Variants in ZNF813 observed in about 807,000 individuals in gnomAD.
ZNF813 encodes zinc finger protein 813.
A neutral mutation model predicts 7.2 loss-of-function variants in ZNF813; 3 were observed. That is an observed-to-expected ratio of 0.42 (90% CI 0.19 to 1.08). ZNF813 has a LOEUF of 1.08. ZNF813 is among the 50% of genes least tolerant of loss of function. The pLI, the probability that ZNF813 is intolerant of heterozygous loss-of-function variation, is 0.30. For synonymous variants in ZNF813, 227 were observed against 256.3 expected, an observed-to-expected ratio of 0.89 and a Z score of 1.09; for missense variants, 714 against 753.3, an observed-to-expected ratio of 0.95 and a Z score of 0.61.
intron 1 of ZNF813, among the ~76,000 whole-genome samples, chr19:53,479,062 G>A (rs545835070): frequency 6.6e-6 from 1 of 152,000 alleles, no homozygotes; most frequent in African/African-American, 2.4e-5. Context: ...AACCTCCCGA[G>A]TACGTGGGAC....
rs2086334278 is a variant in ZNF813 at position 53,467,750 on chromosome 19, CG to C, written c.-111del. 5.5e-6 allele frequency: 1 copy of C among 180,282 alleles called. No homozygotes were observed. Among genetic ancestry groups the C allele is most frequent in the Non-Finnish European group, 1.2e-5 (1 of 82,238 alleles). 11.2% of individuals were successfully genotyped at this position (180,282 alleles called of 1,614,324 possible). A position where few individuals can be genotyped will look rare whatever the true frequency, so the allele number is the denominator to read the frequency against. On this transcript the variant is annotated 5_prime_UTR_variant, in exon 1 of 4. Coordinates refer to ENST00000396403, the MANE Select transcript of ZNF813 (RefSeq NM_001004301.4). ...TCCTGCGCGCAGATTCGCGAAAACC[CG>C]GAAGCGGATCGCGTGGAGTGACGGT...
At chr19:53,477,854 A>G (rs1336445731) in intron 1 of ZNF813, among the ~76,000 whole-genome samples, 3 of 152,264 alleles carry the variant, frequency 2.0e-5, no homozygotes, top group Non-Finnish European at 4.4e-5. Context: ...CTTTGTGTTC[A>G]GATGAGTGGG....
At chr19:53,477,591 G>C (rs1235259149) in intron 1 of ZNF813, among the ~76,000 whole-genome samples, 2 of 152,004 alleles carry the variant, frequency 1.3e-5, no homozygotes, top group Non-Finnish European at 1.5e-5. Context: ...TGGGGCAAGG[G>C]GATTGCTTGA....
chr19:53,485,119 G>A (rs914248862), intron 2 of ZNF813, among the ~76,000 whole-genome samples: 3 of 152,020 alleles, frequency 2.0e-5, no homozygotes, highest in African/African-American at 7.2e-5. Flanking sequence ...AAATTCTGCT[G>A]TAAATTAAAA....
chr19:53,481,536 A>C (rs2086408734), intron 1 of ZNF813, among the ~76,000 whole-genome samples: 1 of 151,670 alleles, frequency 6.6e-6, no homozygotes, highest in African/African-American at 2.4e-5. Flanking sequence ...TTTAGTAGAG[A>C]TGGGGTTTCA....
At chr19:53,478,559 C>T (rs2147157038) in intron 1 of ZNF813, among the ~76,000 whole-genome samples, 1 of 152,220 alleles carries the variant, frequency 6.6e-6, no homozygotes, top group South Asian at 2.1e-4. Flanking sequence ...GAGTGGGTCA[C>T]CTAAGGTGAG....
chr19:53,490,635 C>A lies in ZNF813; in HGVS notation c.403C>A (p.Pro135Thr). 1 of 1,614,182 alleles carries A rather than the reference C, an allele frequency of 6.2e-7. No homozygotes were observed. The highest frequency in any genetic ancestry group is 8.5e-7 in the Non-Finnish European group (1 of 1,180,038). ...TGATCAAAGGCATGCTGGAAACAAG[C>A]CTATTAAAGATCAGCTTGGATCAAG... The part of the protein sequence containing the change: ...RYDQRHAGNK[P>T]IKDQLGSSFH... The change falls in exon 4 of 4, where the codon CCT becomes ACT. Residue 135 changes from proline to threonine, a missense_variant. By Grantham distance (38) the Pro-to-Thr change is conservative. Coordinates refer to ENST00000396403, the MANE Select transcript of ZNF813 (RefSeq NM_001004301.4).
chr19:53,471,168 C>G (rs2086357146), intron 1 of ZNF813, among the ~76,000 whole-genome samples: 2 of 152,036 alleles, frequency 1.3e-5, no homozygotes, highest in Admixed American at 1.3e-4. Flanking sequence ...CTCCCTGTTG[C>G]AGTGGGAGTG....
chr19:53,469,182 G>A (rs914100112), intron 1 of ZNF813, among the ~76,000 whole-genome samples: 4 of 152,326 alleles, frequency 2.6e-5, no homozygotes, highest in African/African-American at 7.2e-5. Context: ...GTTTCTGTGA[G>A]CACAGGGTTG....
At chr19:53,486,810 A>G in intron 3 of ZNF813, 52 bp downstream of exon 3, 2 of 1,612,622 alleles carry the variant, frequency 1.2e-6, no homozygotes, top group South Asian at 2.2e-5. Flanking sequence ...GTATCTTTGT[A>G]TTTTCTCTTG....
rs2086472755 is a variant in ZNF813 at position 53,493,398 on chromosome 19, T to C, written c.*1312T>C. 6.6e-6 allele frequency: 1 copy of C among 152,288 alleles called. No homozygotes were observed. Among genetic ancestry groups the C allele is most frequent in the Admixed American group, 6.6e-5 (1 of 15,206 alleles). The allele number at this position is 152,288 out of a possible 1,614,324, so 9.4% of individuals were successfully genotyped here. A position where few individuals can be genotyped will look rare whatever the true frequency, so the allele number is the denominator to read the frequency against. ...ATCATATTGATGTATATTTGTAGAT[T>C]TCAAGGTACAAACTTCTCACCTTTT... On this transcript the variant is annotated 3_prime_UTR_variant, in exon 4 of 4. Transcript: ENST00000396403.
At chr19:53,483,063 C>T (rs956250433) in intron 1 of ZNF813, among the ~76,000 whole-genome samples, 11 of 152,082 alleles carry the variant, frequency 7.2e-5, no homozygotes, top group Admixed American at 7.2e-4. Flanking sequence ...CAGACACCCA[C>T]CAAGCCCAGT....
At chr19:53,468,219 G>GGCCCCCCCC (rs2086337069) in intron 1 of ZNF813, among the ~76,000 whole-genome samples, 2 of 52,916 alleles carry the variant, frequency 3.8e-5, no homozygotes, top group African/African-American at 1.5e-4. Flanking sequence ...GCGCCCTCGC[G>GGCCCCCCCC]CCCCCCCCCC....
rs750561677 is a variant in ZNF813 at position 53,490,551 on chromosome 19, A to C, written c.319A>C (p.Asn107His). The C allele has an allele frequency of 2.5e-6, 4 of 1,614,198 alleles. No individual in the cohort carries two copies. Among genetic ancestry groups the C allele is most frequent in the African/African-American group, 2.7e-5 (2 of 75,052 alleles). Residue 107 changes from asparagine to histidine, a missense_variant, in exon 4 of 4, where the codon AAT becomes CAT. Asn to His is a moderately conservative substitution (Grantham distance 68). Coordinates refer to ENST00000396403, the MANE Select transcript of ZNF813 (RefSeq NM_001004301.4). ...LEFQWQEDER[N>H]SHEAPMTEIK... Reference sequence around the variant, plus strand: ...GTTTCAGTGGCAAGAAGATGAAAGAAATAGCCATGAAGCACCCATGACAGA... The same window carrying C: ...GTTTCAGTGGCAAGAAGATGAAAGACATAGCCATGAAGCACCCATGACAGA...
At chr19:53,471,986 G>A (rs1369186187) in intron 1 of ZNF813, among the ~76,000 whole-genome samples, 5 of 152,086 alleles carry the variant, frequency 3.3e-5, no homozygotes, top group Admixed American at 6.5e-5. Context: ...TCAGCTAGCC[G>A]AGCAAACAGG....
At chr19:53,483,447 C>T (rs1337414169) in intron 1 of ZNF813, among the ~76,000 whole-genome samples, 1 of 152,150 alleles carries the variant, frequency 6.6e-6, no homozygotes, top group Non-Finnish European at 1.5e-5. Flanking sequence ...CTCGGCCTCC[C>T]AGAGTGCTGG....
rs2086396305 is a variant in ZNF813, at chr19:53,479,287, G to C, written c.-73-4463G>C. 2.7e-6 allele frequency: 4 copies of C among 1,476,190 alleles called. No individual in the cohort carries two copies. In the East Asian group the frequency reaches 9.1e-5, roughly 34 times the overall value. 91.4% of individuals were successfully genotyped at this position (1,476,190 alleles called of 1,614,324 possible). A position where few individuals can be genotyped will look rare whatever the true frequency, so the allele number is the denominator to read the frequency against. On this transcript the variant is annotated intron_variant, in intron 1 of 3. Transcript: ENST00000396403. ...TCTTTTAATACATAATCATGGAGAG[G>C]AGGCTGCAATGCCGAATGGAGGAGG...
intron 1 of ZNF813, among the ~76,000 whole-genome samples, chr19:53,477,784 G>A (rs1486457491): frequency 1.3e-5 from 2 of 152,156 alleles, no homozygotes; most frequent in Non-Finnish European, 2.9e-5. Flanking sequence ...TCATGCCACT[G>A]CCCTCCAGCC....
intron 1 of ZNF813, chr19:53,479,906 G>T: frequency 1.1e-6 from 1 of 887,898 alleles, no homozygotes; most frequent in Non-Finnish European, 1.9e-6. Context: ...ATGTGAGGAA[G>T]AGATGAAGAT....
Sources: allele counts gnomAD v4.1 joint callset (sites outside exome capture counted in the v4.1 genomes callset), GRCh38; gene constraint gnomAD v4.1.1; transcripts MANE v1.5; gene names NCBI Gene and HGNC (gene_info 2026-07-23, HGNC 2026-07-21).